Variants in PCDHGB3 observed in about 807,000 individuals in gnomAD.
PCDHGB3 encodes the protein protocadherin gamma-B3.
Under a neutral mutation model 59.2 loss-of-function variants are expected in PCDHGB3, and 40 were observed. That is an observed-to-expected ratio of 0.68 (90% confidence interval 0.52 to 0.88). The LOEUF is 0.88. Among genes scored for constraint, PCDHGB3 ranks in the 40% least tolerant of loss-of-function variants. The pLI, the probability that PCDHGB3 is intolerant of heterozygous loss-of-function variation, is 0.00. For synonymous variants in PCDHGB3, 581 were observed against 503.6 expected (o/e 1.15, Z -2.06); for missense variants, 1,309 against 1,187.9 (o/e 1.10, Z -1.50).
At chr5:141,423,679 C>T in intron 1 of PCDHGB3, 2 of 1,487,594 alleles carry the variant, frequency 1.3e-6, no homozygotes, top group South Asian at 1.3e-5. Context: ...TATTTCTCTG[C>T]CTCCTAATTG....
intron 1 of PCDHGB3, among the ~76,000 whole-genome samples, chr5:141,405,944 A>T (rs1435240635): frequency 6.6e-6 from 1 of 152,130 alleles, no homozygotes; most frequent in East Asian, 1.9e-4. Flanking sequence ...TCATGTTCTC[A>T]TAATAATTAA....
chr5:141,384,614 C>T, intron 1 of PCDHGB3: 1 of 1,614,222 alleles, frequency 6.2e-7, no homozygotes, highest in Non-Finnish European at 8.5e-7. Context: ...ACAGATGGTT[C>T]TACTGGCATG....
In PCDHGB3 at chr5:141,511,345, TCC is replaced by T; in HGVS notation, c.*178_*179del. 1 of 1,410,484 alleles carries T rather than the reference TCC, an allele frequency of 7.1e-7. No homozygotes were observed. The highest frequency in any genetic ancestry group is 9.4e-7 in the Non-Finnish European group (1 of 1,060,658). The allele number at this position is 1,410,484 out of a possible 1,614,324, so 87.4% of individuals were successfully genotyped here. On this transcript the variant is annotated 3_prime_UTR_variant, in exon 4 of 4. Coordinates refer to ENST00000576222, the MANE Select transcript of PCDHGB3 (RefSeq NM_018924.5). ...AAGTGCCCAGTCAGCACCTACCCCT[TCC>T]CCCCCAGGGGGTTGAATATGCAAAA... is the stretch of plus-strand genomic sequence containing the variant.
intron 1 of PCDHGB3, chr5:141,442,197 A>G (rs1267971703): frequency 1.3e-5 from 2 of 153,426 alleles, no homozygotes; most frequent in African/African-American, 4.8e-5. Context: ...ATTAATTTAT[A>G]TCTGGTGATT....
rs528779386 is a variant in PCDHGB3, at chr5:141,509,416, C to T, written c.2564-1531C>T. Among the ~76,000 whole-genome samples, 4 of 152,258 alleles carry T rather than the reference C, an allele frequency of 2.6e-5. No individual in the cohort carries two copies. In the East Asian group the frequency reaches 7.7e-4, roughly 29 times the overall value. ...TCTCAGGGCCTCCAGCAGCGAGCCCCAATGAGTCAAACTCTTGTTTCCTCC... is the reference window on the plus strand; with the variant it reads ...TCTCAGGGCCTCCAGCAGCGAGCCCTAATGAGTCAAACTCTTGTTTCCTCC... On this transcript the variant is annotated intron_variant, in intron 3 of 3. Transcript: ENST00000576222.
chr5:141,501,288 T>TACAC (rs1562199973), intron 2 of PCDHGB3, among the ~76,000 whole-genome samples: 2 of 81,228 alleles, frequency 2.5e-5, no homozygotes, highest in Admixed American at 1.6e-4. Flanking sequence ...GATATTCCCT[T>TACAC]ATACACACAC....
chr5:141,393,504 A>T, intron 1 of PCDHGB3: 1 of 1,614,036 alleles, frequency 6.2e-7, no homozygotes. Flanking sequence ...CATCCACGTG[A>T]CAGTGTTGGA....
At chr5:141,385,389 C>T in intron 1 of PCDHGB3, 2 of 1,506,522 alleles carry the variant, frequency 1.3e-6, no homozygotes, top group Non-Finnish European at 1.8e-6. Flanking sequence ...TATTATTTTG[C>T]AAAACAAATG....
In PCDHGB3 at chr5:141,485,470, T is replaced by C; in HGVS notation, c.2416-9337T>C. ...ACCGAGAGGCACTGTGTGGGCTCAG[T>C]GCCAGCTGCATCGTGCCCCTGGAGT... On this transcript the variant is annotated intron_variant, in intron 1 of 3. Coordinates refer to ENST00000576222, the MANE Select transcript of PCDHGB3 (RefSeq NM_018924.5). This position sits in a 1 kb window ranked among gnomAD's most constrained non-coding sequence, Gnocchi z 5.7. 1.9e-6 allele frequency: 3 copies of C among 1,614,110 alleles called. No individual in the cohort carries two copies. The highest frequency in any genetic ancestry group is 2.5e-6 in the Non-Finnish European group (3 of 1,180,002).
chr5:141,489,363 G>T lies in PCDHGB3; in HGVS notation c.2416-5444G>T, dbSNP rs767837736. 20 of 1,613,114 alleles carry T rather than the reference G, an allele frequency of 1.2e-5. No homozygotes were observed. Among genetic ancestry groups the T allele is most frequent in the Non-Finnish European group, 1.7e-5 (20 of 1,179,354 alleles). ...ACTCAGTGGTGGAGGAGTCTGAGCCGGGGACGCTGGTGGGGAATGTTGCTC... is the reference window on the plus strand; with the variant it reads ...ACTCAGTGGTGGAGGAGTCTGAGCCTGGGACGCTGGTGGGGAATGTTGCTC... On this transcript the variant is annotated intron_variant, in intron 1 of 3. Transcript: ENST00000576222. The surrounding 1 kb of genome is among the most constrained non-coding windows in gnomAD (Gnocchi z 4.5).
At chr5:141,433,261 A>G (rs761584659) in intron 1 of PCDHGB3, 4 of 1,344,710 alleles carry the variant, frequency 3.0e-6, no homozygotes, top group Non-Finnish European at 4.1e-6. Context: ...CGGTACGATC[A>G]TAGCTCACTG....
intron 2 of PCDHGB3, among the ~76,000 whole-genome samples, chr5:141,496,748 C>T (rs1382244657): frequency 6.6e-6 from 1 of 152,130 alleles, no homozygotes; most frequent in African/African-American, 2.4e-5. Flanking sequence ...ATTTATTCAA[C>T]AAATATTTAT....
chr5:141,496,795 T>C (rs886559302), intron 2 of PCDHGB3, among the ~76,000 whole-genome samples: 27 of 151,976 alleles, frequency 1.8e-4, no homozygotes, highest in Middle Eastern at 3.4e-3. Flanking sequence ...GTGCTAAACA[T>C]TGGGCTATAG....
chr5:141,423,699 T>C, intron 1 of PCDHGB3: 1 of 1,469,146 alleles, frequency 6.8e-7, no homozygotes, highest in East Asian at 2.5e-5. Context: ...GTTGGTGTCT[T>C]GGCACAAGTC....
At chr5:141,413,708 C>G in intron 1 of PCDHGB3, 1 of 1,613,664 alleles carries the variant, frequency 6.2e-7, no homozygotes, top group African/African-American at 1.3e-5. Flanking sequence ...CAGCTCAGCC[C>G]CAATAAGCAC....
At chr5:141,478,452 C>T (rs763187393) in intron 1 of PCDHGB3, 1 of 1,613,598 alleles carries the variant, frequency 6.2e-7, no homozygotes, top group Admixed American at 1.7e-5. Context: ...CCTGGTGCAG[C>T]CAGTCCACTG....
intron 1 of PCDHGB3, chr5:141,374,105 C>T: frequency 6.4e-7 from 1 of 1,572,258 alleles, no homozygotes; most frequent in Non-Finnish European, 8.6e-7. Flanking sequence ...GCAGAGGCAT[C>T]CGCAGCGCAG....
rs374995933 is a variant in PCDHGB3 at position 141,371,810 on chromosome 5, G to T, written c.1416G>T (p.Ala472=). 1,100 of 1,613,756 alleles carry T rather than the reference G, an allele frequency of 6.8e-4. 2 individuals carry two copies. Among genetic ancestry groups the T allele is most frequent in the Non-Finnish European group, 9.0e-4 (1,060 of 1,179,898 alleles). The change falls in exon 1 of 4, where the codon GCG becomes GCT. Residue 472 remains alanine, a synonymous_variant. Transcript: ENST00000576222. ...AENNPPGASI[A]HVRASDPDLG... ...ACAATCCGCCTGGAGCCTCCATTGC[G>T]CATGTCAGAGCCTCGGATCCCGACT...
At chr5:141,387,885 A>C (rs748815627) in intron 1 of PCDHGB3, 1 of 1,578,800 alleles carries the variant, frequency 6.3e-7, no homozygotes, top group Non-Finnish European at 8.6e-7. Flanking sequence ...AGCAAGAGGG[A>C]TGGGGAGCGG....
Sources: allele counts gnomAD v4.1 joint callset (sites outside exome capture counted in the v4.1 genomes callset), GRCh38; gene constraint gnomAD v4.1.1; non-coding constraint Gnocchi (gnomAD v3.1); transcripts MANE v1.5; gene names NCBI Gene and HGNC (gene_info 2026-07-23, HGNC 2026-07-21).